The following CDC42SE2 variants were observed in gnomAD, a reference collection of about 807,000 sequenced individuals.
The protein encoded by CDC42SE2 is CDC42 small effector protein 2.
A neutral mutation model predicts 11.5 loss-of-function variants in CDC42SE2; 3 were observed. That is an observed-to-expected ratio of 0.26 (90% CI 0.12 to 0.67). CDC42SE2 has a LOEUF of 0.67. Among genes scored for constraint, CDC42SE2 ranks in the 30% least tolerant of loss-of-function variants. CDC42SE2 has a pLI of 0.80. For missense variants in CDC42SE2, 82 were observed against 106.8 expected (o/e 0.77, Z 1.02); for synonymous variants, 33 against 34.8 (o/e 0.95, Z 0.18).
intron 1 of CDC42SE2, among the ~76,000 whole-genome samples, chr5:131,313,859 A>T (rs1343274964): frequency 6.6e-6 from 1 of 151,866 alleles, no homozygotes; most frequent in Admixed American, 6.6e-5. Context: ...GCAGAGTCTC[A>T]CTCTGTCACC....
chr5:131,234,648 GAAAA>G, the CDC42SE2 span, among the ~76,000 whole-genome samples: 6 of 145,598 alleles, frequency 4.1e-5, no homozygotes, highest in Admixed American at 1.4e-4. Flanking sequence ...AAAAAAAAAA[GAAAA>G]AAAAAGAAAA....
chr5:131,244,292 A>C (rs1030228299), upstream of CDC42SE2, among the ~76,000 whole-genome samples: 2 of 152,264 alleles, frequency 1.3e-5, no homozygotes, highest in Non-Finnish European at 2.9e-5. Flanking sequence ...TAGAATAAGA[A>C]GACCCAAAAT....
chr5:131,239,017 A>T, the CDC42SE2 span, among the ~76,000 whole-genome samples: 1 of 151,758 alleles, frequency 6.6e-6, no homozygotes, highest in African/African-American at 2.4e-5. Flanking sequence ...TTAGCTGGGC[A>T]TGGTGGCGCT....
At chr5:131,336,482 G>C (rs924466202) in intron 2 of CDC42SE2, among the ~76,000 whole-genome samples, 5 of 152,088 alleles carry the variant, frequency 3.3e-5, no homozygotes, top group Non-Finnish European at 7.3e-5. Context: ...TATCTTTGTG[G>C]TGTTCTCTGT....
intron 2 of CDC42SE2, among the ~76,000 whole-genome samples, chr5:131,324,695 A>G (rs1758261440): frequency 6.6e-6 from 1 of 152,140 alleles, no homozygotes; most frequent in East Asian, 1.9e-4. Context: ...TTTTTTTTAA[A>G]AAGTCCAAAA....
chr5:131,292,240 CAAAAAAAAA>C (rs1202956370), intron 1 of CDC42SE2, among the ~76,000 whole-genome samples: 2 of 25,606 alleles, frequency 7.8e-5, no homozygotes, highest in African/African-American at 2.3e-4. Flanking sequence ...TCTGTCTCAC[CAAAAAAAAA>C]AAAAAAAAAA....
upstream of CDC42SE2, chr5:131,261,210 T>C (rs1756722302): frequency 6.6e-6 from 1 of 152,250 alleles, no homozygotes; most frequent in Non-Finnish European, 1.5e-5. Flanking sequence ...ATTTTCACTG[T>C]ATATTATGTG....
intron 2 of CDC42SE2, among the ~76,000 whole-genome samples, chr5:131,316,394 T>A (rs898382672): frequency 6.6e-5 from 10 of 152,212 alleles, no homozygotes; most frequent in African/African-American, 2.4e-4. Flanking sequence ...TATTTGTTCT[T>A]CAGTCCGAGG....
intron 2 of CDC42SE2, among the ~76,000 whole-genome samples, chr5:131,327,320 C>T (rs537275656): frequency 6.6e-6 from 1 of 152,294 alleles, no homozygotes; most frequent in South Asian, 2.1e-4. Flanking sequence ...CCTGACTCCC[C>T]ATCCCCAGTG....
rs1358395700 is a variant in CDC42SE2 at position 131,393,010 on chromosome 5, A to T, written c.*1919A>T. ...GTTTGTCCTTGCACGAATTTTGTAT[A>T]TTTCAAATATTTCTGTAAAGGTTTC... On this transcript the variant is annotated 3_prime_UTR_variant, in exon 5 of 5. Coordinates refer to ENST00000505065, the MANE Select transcript of CDC42SE2 (RefSeq NM_001375635.1). 1 of 152,272 alleles carries T rather than the reference A, an allele frequency of 6.6e-6. No homozygotes were observed. Among genetic ancestry groups the T allele is most frequent in the East Asian group, 1.9e-4 (1 of 5,336 alleles). 9.4% of individuals were successfully genotyped at this position (152,272 alleles called of 1,614,324 possible). A position where few individuals can be genotyped will look rare whatever the true frequency, so the allele number is the denominator to read the frequency against.
chr5:131,379,374 T>C (rs1750253617), intron 3 of CDC42SE2, among the ~76,000 whole-genome samples: 1 of 152,224 alleles, frequency 6.6e-6, no homozygotes, highest in Admixed American at 6.5e-5. Flanking sequence ...GCCCAGAGAA[T>C]AGTCTTTGGG....
chr5:131,318,326 T>C (rs917920193), intron 2 of CDC42SE2, among the ~76,000 whole-genome samples: 3 of 152,184 alleles, frequency 2.0e-5, no homozygotes, highest in East Asian at 1.9e-4. Context: ...TATTTAGTAA[T>C]ACAGGAAATT....
intron 3 of CDC42SE2, among the ~76,000 whole-genome samples, chr5:131,361,541 C>T (rs558261351): frequency 6.6e-6 from 1 of 152,196 alleles, no homozygotes; most frequent in Admixed American, 6.5e-5. Context: ...TGCCAGAAGG[C>T]GTGTGTTACA....
chr5:131,292,927 A>T (rs1377529989), intron 1 of CDC42SE2, among the ~76,000 whole-genome samples: 1 of 150,606 alleles, frequency 6.6e-6, no homozygotes, highest in African/African-American at 2.4e-5. Flanking sequence ...AAAAAAAAAA[A>T]AAAAAAACAG....
rs36095006 is a variant in CDC42SE2, at chr5:131,393,208, AG to A, written c.*2120del. On this transcript the variant is annotated 3_prime_UTR_variant, in exon 5 of 5. Coordinates refer to ENST00000505065, the MANE Select transcript of CDC42SE2 (RefSeq NM_001375635.1). ...AAACTTTAACTTGGAATAAAGGAAC[AG>A]GGATCACTTTATCTTCTGCCTTCAT... The A allele has an allele frequency of 6.6e-6, 1 of 152,390 alleles. No homozygotes were observed. Among genetic ancestry groups the A allele is most frequent in the Non-Finnish European group, 1.5e-5 (1 of 68,044 alleles). The allele number at this position is 152,390 out of a possible 1,614,324, so 9.4% of individuals were successfully genotyped here. A position where few individuals can be genotyped will look rare whatever the true frequency, so the allele number is the denominator to read the frequency against.
chr5:131,308,100 C>A (rs1757817953), intron 1 of CDC42SE2, among the ~76,000 whole-genome samples: 1 of 152,116 alleles, frequency 6.6e-6, no homozygotes, highest in Non-Finnish European at 1.5e-5. Flanking sequence ...AGTCTTTAAT[C>A]CATCTTGAAT....
chr5:131,246,420 C>G (rs935925059), intron 1 of CDC42SE2, among the ~76,000 whole-genome samples: 1 of 152,148 alleles, frequency 6.6e-6, no homozygotes, highest in Non-Finnish European at 1.5e-5. Context: ...CACCATTGCA[C>G]TCCAGCCTGG....
intron 3 of CDC42SE2, among the ~76,000 whole-genome samples, chr5:131,377,527 C>T (rs2149784215): frequency 6.6e-6 from 1 of 152,258 alleles, no homozygotes; most frequent in Middle Eastern, 3.4e-3. Flanking sequence ...TTTCTATTAA[C>T]CATTAAGCCA....
rs569003050 is a variant in CDC42SE2, at chr5:131,391,867, C to A, written c.*776C>A. ...TTCTATATTTTCTCTGTCCACTATT[C>A]TGTAATTTTTTTTTGTCCTGTGATT... On this transcript the variant is annotated 3_prime_UTR_variant, in exon 5 of 5. Transcript: ENST00000505065. 1.3e-5 allele frequency: 2 copies of A among 152,294 alleles called. No homozygotes were observed. Among genetic ancestry groups the A allele is most frequent in the East Asian group, 3.8e-4 (2 of 5,324 alleles). The allele number at this position is 152,294 out of a possible 1,614,324, so 9.4% of individuals were successfully genotyped here.
Sources: gnomAD v4.1 joint callset for allele counts (sites outside exome capture counted in the v4.1 genomes callset) on GRCh38, gnomAD v4.1.1 for gene constraint, MANE v1.5 for transcripts, NCBI Gene and HGNC (gene_info 2026-07-23, HGNC 2026-07-21) for gene names.